Variants in TRAF3 observed in about 807,000 individuals in gnomAD.
TRAF3 encodes the protein TNF receptor-associated factor 3.
In TRAF3, 13 loss-of-function variants were observed where a neutral mutation model predicts 62.3. That is an observed-to-expected ratio of 0.21 (90% CI 0.14 to 0.33). The LOEUF (loss-of-function observed/expected upper bound fraction) is 0.33, where lower values mean the gene tolerates loss of function less well. Among genes scored for constraint, TRAF3 ranks in the 10% least tolerant of loss-of-function variants. The probability of loss-of-function intolerance (pLI) is 1.00; values close to 1 mark genes in which losing one functional copy is unlikely to be tolerated. For synonymous variants in TRAF3, 269 were observed against 283.4 expected, an observed-to-expected ratio of 0.95 and a Z score of 0.51; for missense variants, 440 against 741.8, an observed-to-expected ratio of 0.59 and a Z score of 4.73.
At chr14:102,848,101 G>T (rs1356570000) in intron 2 of TRAF3, among the ~76,000 whole-genome samples, 2 of 152,188 alleles carry the variant, frequency 1.3e-5, no homozygotes, top group Admixed American at 6.5e-5. Flanking sequence ...TGCATTTTTT[G>T]ATACAAGAAC....
In TRAF3 at chr14:102,892,047, C is replaced by CTT. The variant is rs778938323; in HGVS notation, c.819+650_819+651dup. 2.0e-3 allele frequency among the ~76,000 whole-genome samples: 247 copies of CTT among 121,410 alleles called. 2 individuals are homozygous for CTT. The highest frequency in any genetic ancestry group is 6.3e-3 in the African/African-American group (211 of 33,414). The allele number at this position is 121,410 out of a possible 152,430, so 79.6% of individuals were successfully genotyped here. ...CCCAAAGAGACTCTCCCATGCTGTT[C>CTT]TTTTTTTTTTTTTTTTTTTTTCCCC... On this transcript the variant is annotated intron_variant, in intron 9 of 11. Transcript: ENST00000392745.
At chr14:102,832,595 C>T (rs1038936408) in intron 2 of TRAF3, among the ~76,000 whole-genome samples, 3 of 152,188 alleles carry the variant, frequency 2.0e-5, no homozygotes, top group East Asian at 1.9e-4. Flanking sequence ...TGCTTGAACC[C>T]GGGAGGTGGA....
rs570608464 is a variant in TRAF3, at chr14:102,787,862, T to C, written c.-157+10187T>C. Among the ~76,000 whole-genome samples the C allele has an allele frequency of 9.3e-5, 14 of 151,088 alleles. No individual in the cohort carries two copies. In the South Asian group the frequency reaches 2.3e-3, roughly 25 times the overall value. On this transcript the variant is annotated intron_variant, in intron 1 of 11. Coordinates refer to ENST00000392745, the MANE Select transcript of TRAF3 (RefSeq NM_145725.3). ...ATGGTTTTCCTTTCCTTTTTCTTTTTTTTTTTTTTGAGATGGAGTCTCCCA... is the reference window on the plus strand; with the variant it reads ...ATGGTTTTCCTTTCCTTTTTCTTTTCTTTTTTTTTGAGATGGAGTCTCCCA...
chr14:102,828,920 G>A (rs1900488437), intron 1 of TRAF3, among the ~76,000 whole-genome samples: 1 of 152,188 alleles, frequency 6.6e-6, no homozygotes, highest in Admixed American at 6.5e-5. Flanking sequence ...TAATCTGGAT[G>A]GAACTTTTCG....
rs946314958 is a variant in TRAF3, at chr14:102,903,618, C to T, written c.1135+189C>T. On this transcript the variant is annotated intron_variant, in intron 11 of 11. Transcript: ENST00000392745. The surrounding 1 kb of genome is among the most constrained non-coding windows in gnomAD (Gnocchi z 6.4). ...TCCCCCAGCAAAGACAAACGTTTCC[C>T]GCGCAGGCTTGTCCCCTCCGTGTGA... 3.5e-5 allele frequency: 30 copies of T among 866,666 alleles called. No homozygotes were observed. In the Admixed American group the frequency reaches 3.8e-4, roughly 11 times the overall value. 53.7% of individuals were successfully genotyped at this position (866,666 alleles called of 1,614,324 possible). A position where few individuals can be genotyped will look rare whatever the true frequency, so the allele number is the denominator to read the frequency against.
chr14:102,821,782 G>A (rs1199068390), intron 1 of TRAF3, among the ~76,000 whole-genome samples: 4 of 152,170 alleles, frequency 2.6e-5, no homozygotes, highest in African/African-American at 7.2e-5. Context: ...GGTGGCTCAC[G>A]CCTGTAATCC....
rs542776417 is a variant in TRAF3, at chr14:102,805,680, G to A, written c.-156-24654G>A. On this transcript the variant is annotated intron_variant, in intron 1 of 11. Coordinates refer to ENST00000392745, the MANE Select transcript of TRAF3 (RefSeq NM_145725.3). ...GGGAAAGAATGCTCTACCTGGCTACGTTTTCCTGTGTCCTGTTGAAATGAA... is the reference window on the plus strand; with the variant it reads ...GGGAAAGAATGCTCTACCTGGCTACATTTTCCTGTGTCCTGTTGAAATGAA... Among the ~76,000 whole-genome samples, 7 of 152,270 alleles carry A rather than the reference G, an allele frequency of 4.6e-5. No homozygotes were observed. In the East Asian group the frequency reaches 9.7e-4, roughly 21 times the overall value.
intron 2 of TRAF3, 106 bp from the exon 3 acceptor site, chr14:102,870,079 C>G (rs554691804): frequency 1.4e-6 from 2 of 1,413,320 alleles, no homozygotes; most frequent in Admixed American, 3.4e-5. Flanking sequence ...CTTGTGTTGC[C>G]TAAAACTGAA....
intron 6 of TRAF3, among the ~76,000 whole-genome samples, chr14:102,877,096 G>T (rs1043387842): frequency 1.8e-4 from 22 of 125,552 alleles, no homozygotes; most frequent in African/African-American, 7.0e-4. Context: ...CCTTGTGCTC[G>T]ATTCATAGAT....
chr14:102,801,623 T>A (rs1380291066), intron 1 of TRAF3, among the ~76,000 whole-genome samples: 1 of 151,846 alleles, frequency 6.6e-6, no homozygotes, highest in African/African-American at 2.4e-5. Flanking sequence ...CAGCCTCGAT[T>A]TCCTGGGTTC....
chr14:102,843,045 T>TA (rs888586912), intron 2 of TRAF3, among the ~76,000 whole-genome samples: 2 of 151,172 alleles, frequency 1.3e-5, no homozygotes, highest in African/African-American at 4.9e-5. Context: ...TCGTCTCTAC[T>TA]AAAAAAAATT....
At chr14:102,789,594 A>ATGTGTGTGTG (rs56383846) in intron 1 of TRAF3, among the ~76,000 whole-genome samples, 2 of 148,686 alleles carry the variant, frequency 1.3e-5, no homozygotes, top group Admixed American at 6.7e-5. Context: ...AAAAGGATAT[A>ATGTGTGTGTG]TGTGTGTGTG....
intron 1 of TRAF3, among the ~76,000 whole-genome samples, chr14:102,787,519 CAA>C (rs775633084): frequency 6.1e-4 from 69 of 112,730 alleles, no homozygotes; most frequent in Non-Finnish European, 6.5e-4. Flanking sequence ...TCTACTAAAC[CAA>C]AAAAAAAAAA....
chr14:102,862,467 C>T (rs963021770), intron 2 of TRAF3, among the ~76,000 whole-genome samples: 2 of 151,214 alleles, frequency 1.3e-5, no homozygotes, highest in Non-Finnish European at 2.9e-5. Context: ...AATTTGTCAC[C>T]TTTCGGCCTC....
intron 9 of TRAF3, among the ~76,000 whole-genome samples, chr14:102,896,118 G>T (rs760815680): frequency 6.6e-6 from 1 of 152,218 alleles, no homozygotes; most frequent in Non-Finnish European, 1.5e-5. Context: ...CACACATTGC[G>T]GAATAATTAA....
chr14:102,858,167 T>C (rs957909071), intron 2 of TRAF3, among the ~76,000 whole-genome samples: 1 of 152,112 alleles, frequency 6.6e-6, no homozygotes. Flanking sequence ...TTTTTTTTTT[T>C]TCTTGAGACA....
chr14:102,798,579 G>C (rs577284102), intron 1 of TRAF3, among the ~76,000 whole-genome samples: 9 of 152,266 alleles, frequency 5.9e-5, no homozygotes, highest in African/African-American at 1.9e-4. Flanking sequence ...GGCAGAGGTT[G>C]TGGTGAGCTG....
intron 2 of TRAF3, among the ~76,000 whole-genome samples, chr14:102,834,551 G>A (rs1214232653): frequency 2.6e-5 from 4 of 151,978 alleles, no homozygotes; most frequent in African/African-American, 9.7e-5. Context: ...GCCGGGCGTG[G>A]TGGCGGGCGC....
chr14:102,905,986 A>T lies in TRAF3; in HGVS notation c.*202A>T. 1 of 500,344 alleles carries T rather than the reference A, an allele frequency of 2.0e-6. No individual in the cohort carries two copies. Among genetic ancestry groups the T allele is most frequent in the Non-Finnish European group, 3.5e-6 (1 of 284,972 alleles). The allele number at this position is 500,344 out of a possible 1,614,324, so 31.0% of individuals were successfully genotyped here. A position where few individuals can be genotyped will look rare whatever the true frequency, so the allele number is the denominator to read the frequency against. On this transcript the variant is annotated 3_prime_UTR_variant, in exon 12 of 12. Transcript: ENST00000392745. Reference sequence around the variant, plus strand: ...AATAGACTAGCCACACTTCACTCTGAAGAATTATTTATCCTTCAACAAGAT... The same window carrying T: ...AATAGACTAGCCACACTTCACTCTGTAGAATTATTTATCCTTCAACAAGAT...
Sources: allele counts gnomAD v4.1 joint callset (sites outside exome capture counted in the v4.1 genomes callset), GRCh38; gene constraint gnomAD v4.1.1; non-coding constraint Gnocchi (gnomAD v3.1); transcripts MANE v1.5; gene names NCBI Gene and HGNC (gene_info 2026-07-23, HGNC 2026-07-21).